Variants in ASAP3 observed in about 807,000 individuals in gnomAD.
ASAP3 encodes the protein arf-GAP with SH3 domain, ANK repeat and PH domain-containing protein 3.
In ASAP3, 85 loss-of-function variants were observed where a neutral mutation model predicts 118.2. The observed-to-expected ratio is 0.72, with a 90% CI of 0.60 to 0.86. ASAP3 has a LOEUF of 0.86. Ranked by LOEUF, ASAP3 falls within the 40% of genes least tolerant of loss-of-function variation. ASAP3 has a pLI of 0.00. For synonymous variants in ASAP3, 432 were observed against 477.4 expected (o/e 0.90, Z 1.24); for missense variants, 1,026 against 1,175.0 (o/e 0.87, Z 1.85).
At chr1:23,466,862 CATTATTATT>C (rs907432216) in intron 1 of ASAP3, among the ~76,000 whole-genome samples, 2 of 151,774 alleles carry the variant, frequency 1.3e-5, no homozygotes, top group East Asian at 1.9e-4. Flanking sequence ...CCATTACAGC[CATTATTATT>C]ATTATTATTA....
chr1:23,464,860 CA>C (rs1641715878), intron 1 of ASAP3, among the ~76,000 whole-genome samples: 1 of 151,992 alleles, frequency 6.6e-6, no homozygotes, highest in African/African-American at 2.4e-5. Context: ...TGTGGTTTAA[CA>C]AGCCCTCCAG....
At chr1:23,481,054 G>A (rs1290566078) in intron 1 of ASAP3, among the ~76,000 whole-genome samples, 1 of 152,214 alleles carries the variant, frequency 6.6e-6, no homozygotes, top group African/African-American at 2.4e-5. Flanking sequence ...ACCGGGGGTA[G>A]AACACGTGGG....
At chr1:23,463,968 T>A (rs1641676806) in intron 1 of ASAP3, among the ~76,000 whole-genome samples, 1 of 151,968 alleles carries the variant, frequency 6.6e-6, no homozygotes, top group African/African-American at 2.4e-5. Flanking sequence ...TTGGAAAACA[T>A]GAGTATGGTT....
In ASAP3 at chr1:23,431,706, C is replaced by A. The variant is rs753354426; in HGVS notation, c.2536G>T (p.Val846Phe). The A allele has an allele frequency of 1.3e-6, 2 of 1,523,362 alleles. No homozygotes were observed. Among genetic ancestry groups the A allele is most frequent in the African/African-American group, 2.8e-5 (2 of 71,062 alleles). 94.4% of individuals were successfully genotyped at this position (1,523,362 alleles called of 1,614,324 possible). ...TGGGCCCTCACCAACCTGAATCTGA[C>A]GGGGAGGTACATCTCCGAAGGGGTG... ...GTTPSEMYLP[V>F]RFSSESTRSY... Residue 846 changes from valine to phenylalanine, a missense_variant, in exon 23 of 25, where the codon GTC (valine) becomes TTC (phenylalanine). Transcript: ENST00000336689.
At chr1:23,466,500 T>C (rs778458506) in intron 1 of ASAP3, among the ~76,000 whole-genome samples, 7 of 152,194 alleles carry the variant, frequency 4.6e-5, no homozygotes, top group Non-Finnish European at 8.8e-5. Flanking sequence ...GCACTGCCCT[T>C]TGTGTCCCCT....
chr1:23,459,198 G>C (rs1570382517), intron 1 of ASAP3, among the ~76,000 whole-genome samples: 1 of 138,500 alleles, frequency 7.2e-6, no homozygotes, highest in Non-Finnish European at 1.6e-5. Flanking sequence ...AAAAAGATAT[G>C]AACAATTTCC....
At chr1:23,442,048 C>A in intron 7 of ASAP3, 138 bp downstream of exon 7, 1 of 891,860 alleles carries the variant, frequency 1.1e-6, no homozygotes, top group South Asian at 1.5e-5. Flanking sequence ...ACCCGGTGAG[C>A]ACTCAATGAG....
intron 23 of ASAP3, 37 bp from the exon 24 acceptor site, chr1:23,431,162 C>T: frequency 2.6e-6 from 4 of 1,547,368 alleles, no homozygotes; most frequent in Non-Finnish European, 3.5e-6. Context: ...ACCCTCATGT[C>T]CAGAGAGCCC....
Position 23,484,009 on chromosome 1 carries a change from T to A in ASAP3, c.125A>T (p.Glu42Val). The change falls in exon 1 of 25, where the codon GAG becomes GTG. Residue 42 changes from glutamate to valine, a missense_variant. Transcript: ENST00000336689. ...CTCCCGCCTCGGCCCCCTCACCTCC[T>A]CCCGCGCCAGCGCCGCCCCTCGGTA... ...PRYRGAALAR[E>V]EILEGDQAIL... 1 of 1,293,150 alleles carries A rather than the reference T, an allele frequency of 7.7e-7. No homozygotes were observed. The allele number at this position is 1,293,150 out of a possible 1,614,324, so 80.1% of individuals were successfully genotyped here.
intron 4 of ASAP3, among the ~76,000 whole-genome samples, chr1:23,452,463 T>C (rs1287039034): frequency 6.6e-6 from 1 of 152,090 alleles, no homozygotes; most frequent in Non-Finnish European, 1.5e-5. Flanking sequence ...GCCTACCTCA[T>C]AGGATGGTTG....
At chr1:23,460,480 CCAGG>C in intron 1 of ASAP3, among the ~76,000 whole-genome samples, 1 of 148,658 alleles carries the variant, frequency 6.7e-6, no homozygotes, top group Non-Finnish European at 1.5e-5. Flanking sequence ...GCACTCCAGC[CCAGG>C]TGACAGAGTG....
chr1:23,476,163 T>C (rs999246848), intron 1 of ASAP3, among the ~76,000 whole-genome samples: 40 of 151,958 alleles, frequency 2.6e-4, no homozygotes, highest in Non-Finnish European at 7.4e-5. Flanking sequence ...CTGGCCAACA[T>C]GGTGAAACCT....
intron 1 of ASAP3, among the ~76,000 whole-genome samples, chr1:23,482,311 C>A (rs1261485161): frequency 6.6e-6 from 1 of 152,196 alleles, no homozygotes; most frequent in African/African-American, 2.4e-5. Flanking sequence ...TGCCTGAGCT[C>A]AGGAGTTCAA....
chr1:23,476,936 T>A (rs1027490163), intron 1 of ASAP3, among the ~76,000 whole-genome samples: 2 of 152,114 alleles, frequency 1.3e-5, no homozygotes, highest in African/African-American at 2.4e-5. Context: ...TATGGTTCTA[T>A]GGTAAATACT....
intron 1 of ASAP3, among the ~76,000 whole-genome samples, chr1:23,463,198 A>G (rs897301311): frequency 6.6e-6 from 1 of 152,196 alleles, no homozygotes; most frequent in African/African-American, 2.4e-5. Context: ...CCCTTCCTTC[A>G]AGAGAACCAC....
In ASAP3 at chr1:23,437,225, C is replaced by A. The variant is rs570022866; in HGVS notation, c.1247G>T (p.Gly416Val). 9.0e-5 allele frequency: 144 copies of A among 1,595,640 alleles called. 1 individual carries two copies. Among genetic ancestry groups the A allele is most frequent in the East Asian group, 4.8e-4 (21 of 44,062 alleles). The change falls in exon 14 of 25, where the codon GGC becomes GTC. Residue 416 changes from glycine to valine, a missense_variant. Coordinates refer to ENST00000336689, the MANE Select transcript of ASAP3 (RefSeq NM_017707.4). This position sits in a 1 kb window ranked among gnomAD's most constrained non-coding sequence, Gnocchi z 6.1. ...SAGPGSWGSA[G>V]HDGEPHDLTK... ...GAGGTCGTGCGGCTCCCCATCATGG[C>A]CGGCGGACCCCCAGGACCCCGGGCC...
intron 1 of ASAP3, among the ~76,000 whole-genome samples, chr1:23,467,388 G>A (rs1641810084): frequency 6.6e-6 from 1 of 151,958 alleles, no homozygotes; most frequent in African/African-American, 2.4e-5. Flanking sequence ...ATTATTAATC[G>A]ATCACAGTGT....
intron 5 of ASAP3, among the ~76,000 whole-genome samples, chr1:23,442,855 T>C (rs897028066): frequency 6.6e-6 from 1 of 152,008 alleles, no homozygotes; most frequent in Admixed American, 6.6e-5. Flanking sequence ...TCCAACCTCG[T>C]TGGGGCTAGT....
intron 1 of ASAP3, among the ~76,000 whole-genome samples, chr1:23,482,939 G>C (rs1392039446): frequency 6.7e-6 from 1 of 150,208 alleles, no homozygotes; most frequent in Admixed American, 6.6e-5. Context: ...GCGACACAGC[G>C]AGACTCCGTC....
Sources: allele counts gnomAD v4.1 joint callset (sites outside exome capture counted in the v4.1 genomes callset), GRCh38; gene constraint gnomAD v4.1.1; non-coding constraint Gnocchi (gnomAD v3.1); transcripts MANE v1.5; gene names NCBI Gene and HGNC (gene_info 2026-07-23, HGNC 2026-07-21).